The following PCDH7 variants were observed in gnomAD, a reference collection of about 807,000 sequenced individuals.
PCDH7 encodes protocadherin-7.
Under a neutral mutation model 58.9 loss-of-function variants are expected in PCDH7, and 17 were observed. That is an observed-to-expected ratio of 0.29 (90% confidence interval 0.20 to 0.43). PCDH7 has a LOEUF of 0.43. Among genes scored for constraint, PCDH7 ranks in the 20% least tolerant of loss-of-function variants. The pLI is 1.00. For missense variants in PCDH7, 1,274 were observed against 1,441.0 expected (o/e 0.88, Z 1.88); for synonymous variants, 664 against 616.4 (o/e 1.08, Z -1.14).
At chr4:30,826,511 C>A (rs1350883908) in intron 1 of PCDH7, among the ~76,000 whole-genome samples, 1 of 151,978 alleles carries the variant, frequency 6.6e-6, no homozygotes, top group South Asian at 2.1e-4. Flanking sequence ...GCATGCTCCA[C>A]TTCGGGCAAT....
chr4:30,806,721 T>C (rs906063689), intron 1 of PCDH7, among the ~76,000 whole-genome samples: 1 of 151,778 alleles, frequency 6.6e-6, no homozygotes, highest in Non-Finnish European at 1.5e-5. Flanking sequence ...AAATTCCATG[T>C]CTTGACAGAG....
intron 1 of PCDH7, among the ~76,000 whole-genome samples, chr4:30,807,860 C>A (rs1188474843): frequency 6.6e-6 from 1 of 152,070 alleles, no homozygotes; most frequent in African/African-American, 2.4e-5. Flanking sequence ...AAATTCTAAA[C>A]TGAGATGCTT....
chr4:31,025,896 G>A (rs992341844), intron 3 of PCDH7, among the ~76,000 whole-genome samples: 1 of 152,138 alleles, frequency 6.6e-6, no homozygotes, highest in African/African-American at 2.4e-5. Context: ...GAAAATGCTG[G>A]AAGTTTCCAG....
At chr4:30,935,889 C>T (rs1745280236) in intron 2 of PCDH7, among the ~76,000 whole-genome samples, 1 of 152,054 alleles carries the variant, frequency 6.6e-6, no homozygotes, top group African/African-American at 2.4e-5. Flanking sequence ...CAGTGCAAAA[C>T]ACCCCAATTG....
chr4:31,131,991 C>T (rs1355152024), intron 3 of PCDH7, among the ~76,000 whole-genome samples: 1 of 152,128 alleles, frequency 6.6e-6, no homozygotes, highest in Non-Finnish European at 1.5e-5. Flanking sequence ...ATGATTTGAA[C>T]TTCAATGTGA....
chr4:30,816,275 A>G (rs922137394), intron 1 of PCDH7, among the ~76,000 whole-genome samples: 4 of 152,158 alleles, frequency 2.6e-5, no homozygotes, highest in African/African-American at 9.7e-5. Context: ...GTTTTTGTAT[A>G]ATGCTGCTAG....
chr4:30,905,007 A>C (rs1168753828), intron 1 of PCDH7, among the ~76,000 whole-genome samples: 1 of 152,226 alleles, frequency 6.6e-6, no homozygotes, highest in Non-Finnish European at 1.5e-5. Flanking sequence ...AAATGTATGT[A>C]GTTTCCTAAA....
intron 2 of PCDH7, among the ~76,000 whole-genome samples, chr4:30,929,469 T>A (rs1578323540): frequency 6.6e-6 from 1 of 152,288 alleles, no homozygotes; most frequent in South Asian, 2.1e-4. Context: ...AATATAATTG[T>A]AAGTTCGTTA....
At chr4:30,923,576 T>C (rs1743457431) in intron 2 of PCDH7, among the ~76,000 whole-genome samples, 1 of 152,100 alleles carries the variant, frequency 6.6e-6, no homozygotes, top group Admixed American at 6.5e-5. Flanking sequence ...AGAATAAATA[T>C]AATTTCTTAC....
In PCDH7 at chr4:30,968,393, T is replaced by C. The variant is rs1186853498; in HGVS notation, c.*7+18178T>C. On this transcript the variant is annotated intron_variant, in intron 3 of 3. Coordinates refer to the PCDH7 transcript ENST00000509759. ...TACACACACTATATATATATATATATATATATATATATATATATATATGGG... is the reference window on the plus strand; with the variant it reads ...TACACACACTATATATATATATATACATATATATATATATATATATATGGG... Among the ~76,000 whole-genome samples, 38 of 53,648 alleles carry C rather than the reference T, an allele frequency of 7.1e-4. 1 individual carries two copies. Among genetic ancestry groups the C allele is most frequent in the African/African-American group, 4.4e-3 (35 of 7,988 alleles). The allele number at this position is 53,648 out of a possible 152,430, so 35.2% of individuals were successfully genotyped here.
intron 3 of PCDH7, among the ~76,000 whole-genome samples, chr4:31,118,217 C>T (rs1299880291): frequency 6.6e-6 from 1 of 152,096 alleles, no homozygotes; most frequent in Non-Finnish European, 1.5e-5. Context: ...AATCCATGTC[C>T]AGCATTGTAA....
intron 1 of PCDH7, among the ~76,000 whole-genome samples, chr4:30,755,529 C>G (rs1196095190): frequency 6.6e-6 from 1 of 152,088 alleles, no homozygotes; most frequent in Admixed American, 6.6e-5. Context: ...ACTTCTATAG[C>G]CACAAAGTAG....
chr4:30,826,397 A>C (rs1232319728), intron 1 of PCDH7, among the ~76,000 whole-genome samples: 1 of 152,100 alleles, frequency 6.6e-6, no homozygotes, highest in African/African-American at 2.4e-5. Flanking sequence ...ATATGCTTTT[A>C]AAAAATGCAT....
chr4:30,876,294 G>T (rs1736273524), intron 1 of PCDH7, among the ~76,000 whole-genome samples: 1 of 151,998 alleles, frequency 6.6e-6, no homozygotes, highest in Non-Finnish European at 1.5e-5. Context: ...TGAAGTAAGT[G>T]ATATTAAATG....
chr4:30,793,518 G>C (rs1030252720), intron 1 of PCDH7, among the ~76,000 whole-genome samples: 1 of 151,760 alleles, frequency 6.6e-6, no homozygotes, highest in Non-Finnish European at 1.5e-5. Context: ...ATTCCCAACG[G>C]GTTTAGTGAA....
At chr4:31,090,996 T>A (rs908820566) in intron 3 of PCDH7, among the ~76,000 whole-genome samples, 1 of 152,058 alleles carries the variant, frequency 6.6e-6, no homozygotes, top group African/African-American at 2.4e-5. Context: ...CATTAATAAT[T>A]TGTCTCAATA....
rs772366062 is a variant in PCDH7 at position 30,722,715 on chromosome 4, C to G, written c.1293C>G (p.Asn431Lys). ...TCCCCCTCAAGGACGGGGTGGCCAA[C>G]GTGGCCGAGGACGTTCTGGTCGACA... Residue 431 changes from asparagine (N) to lysine (K), a missense_variant, in exon 1 of 2, where the codon AAC becomes AAG. Transcript: ENST00000361762. This position sits in a 1 kb window ranked among gnomAD's most constrained non-coding sequence, Gnocchi z 7.6. 3 of 1,613,520 alleles carry G rather than the reference C, an allele frequency of 1.9e-6. No individual in the cohort carries two copies. The highest frequency in any genetic ancestry group is 1.7e-6 in the Non-Finnish European group (2 of 1,179,994).
At chr4:30,827,896 A>G (rs1337112451) in intron 1 of PCDH7, among the ~76,000 whole-genome samples, 1 of 152,182 alleles carries the variant, frequency 6.6e-6, no homozygotes, top group South Asian at 2.1e-4. Flanking sequence ...CCTAGCAGTT[A>G]AGAATAATTA....
rs549049822 is a variant in PCDH7, at chr4:30,897,365, T to A, written c.71-22788T>A. On this transcript the variant is annotated intron_variant, in intron 1 of 3. Transcript: ENST00000509759. ...TTAGTAAATGCTATGGTTTACTAAA[T>A]CATAAATAAGTGGCTCACTAACTTG... Among the ~76,000 whole-genome samples the A allele has an allele frequency of 8.5e-5, 13 of 152,290 alleles. 1 individual carries two copies. In the East Asian group the frequency reaches 2.1e-3, roughly 25 times the overall value.
Sources: gnomAD v4.1 joint callset for allele counts (sites outside exome capture counted in the v4.1 genomes callset) on GRCh38, gnomAD v4.1.1 for gene constraint, Gnocchi (gnomAD v3.1) non-coding constraint, MANE v1.5 for transcripts, NCBI Gene and HGNC (gene_info 2026-07-23, HGNC 2026-07-21) for gene names.